Variants in CORIN observed in about 807,000 individuals in gnomAD.
CORIN encodes corin, serine peptidase, also known as atrial natriuretic peptide-converting enzyme.
In CORIN, 117 loss-of-function variants were observed where a neutral mutation model predicts 125.3. That is an observed-to-expected ratio of 0.93 (90% confidence interval 0.80 to 1.09). The LOEUF is 1.09. Ranked by LOEUF, CORIN falls within the 50% of genes least tolerant of loss-of-function variation. The pLI is 0.00. For missense variants in CORIN, 1,253 were observed against 1,306.7 expected (o/e 0.96, Z 0.63); for synonymous variants, 450 against 466.4 (o/e 0.96, Z 0.45).
intron 12 of CORIN, among the ~76,000 whole-genome samples, chr4:47,661,227 A>G (rs1221848022): frequency 6.6e-6 from 1 of 152,212 alleles, no homozygotes; most frequent in Admixed American, 6.5e-5. Context: ...TGGTACAGAA[A>G]TATAGTTAGA....
chr4:47,692,146 T>A (rs1042365281), intron 6 of CORIN, among the ~76,000 whole-genome samples: 17 of 152,210 alleles, frequency 1.1e-4, no homozygotes, highest in African/African-American at 4.1e-4. Context: ...GCAATTCCCA[T>A]AAGGAGTGAA....
intron 5 of CORIN, among the ~76,000 whole-genome samples, chr4:47,711,841 A>AAGAACC (rs1726856443): frequency 6.6e-6 from 1 of 152,164 alleles, no homozygotes; most frequent in African/African-American, 2.4e-5. Flanking sequence ...TGGGTTCTTC[A>AAGAACC]CATCACAATG....
chr4:47,733,527 GA>G (rs973874302), intron 5 of CORIN, among the ~76,000 whole-genome samples: 19 of 152,108 alleles, frequency 1.2e-4, no homozygotes, highest in African/African-American at 4.6e-4. Flanking sequence ...AAAGGAAGAG[GA>G]AAATGAATGA....
intron 11 of CORIN, among the ~76,000 whole-genome samples, chr4:47,663,803 A>G (rs1398958677): frequency 6.6e-6 from 1 of 152,174 alleles, no homozygotes; most frequent in Non-Finnish European, 1.5e-5. Context: ...TAAAATTGGT[A>G]GATGTTTTAT....
chr4:47,781,432 C>T (rs549951735), intron 3 of CORIN, among the ~76,000 whole-genome samples: 54 of 152,142 alleles, frequency 3.5e-4, no homozygotes, highest in Non-Finnish European at 6.2e-4. Context: ...ACGAGCTGTC[C>T]AATATGTTAT....
chr4:47,667,530 G>T (rs1030910616), intron 10 of CORIN, among the ~76,000 whole-genome samples: 8 of 152,176 alleles, frequency 5.3e-5, no homozygotes, highest in Admixed American at 3.3e-4. Flanking sequence ...TGACTAAGAA[G>T]TGGTATCCAT....
intron 2 of CORIN, among the ~76,000 whole-genome samples, chr4:47,799,841 A>G (rs1183316819): frequency 6.6e-6 from 1 of 152,228 alleles, no homozygotes; most frequent in Non-Finnish European, 1.5e-5. Flanking sequence ...CAAAAGGTGG[A>G]AATAACCCAA....
At chr4:47,763,279 C>A (rs2109870643) in intron 4 of CORIN, 100 bp downstream of exon 4, 2 of 887,682 alleles carry the variant, frequency 2.3e-6, no homozygotes, top group East Asian at 5.3e-5. Context: ...TGGCTAATAA[C>A]AACCAAAATA....
chr4:47,612,849 T>C (rs1051999917), intron 19 of CORIN, among the ~76,000 whole-genome samples: 1 of 152,210 alleles, frequency 6.6e-6, no homozygotes, highest in Non-Finnish European at 1.5e-5. Flanking sequence ...CTTTCCTGAA[T>C]GTATCCCTCA....
chr4:47,664,162 T>C (rs1014671571), intron 11 of CORIN, among the ~76,000 whole-genome samples: 5 of 152,102 alleles, frequency 3.3e-5, no homozygotes, highest in African/African-American at 1.2e-4. Flanking sequence ...CTGAAGAGAG[T>C]AGCAACTCAC....
At chr4:47,724,693 A>T (rs1727506409) in intron 5 of CORIN, among the ~76,000 whole-genome samples, 1 of 152,230 alleles carries the variant, frequency 6.6e-6, no homozygotes, top group Non-Finnish European at 1.5e-5. Flanking sequence ...CTACATTAAT[A>T]AGCTAAAGAA....
intron 5 of CORIN, among the ~76,000 whole-genome samples, chr4:47,724,790 T>C (rs893120845): frequency 6.6e-6 from 1 of 152,206 alleles, no homozygotes; most frequent in Non-Finnish European, 1.5e-5. Context: ...GAAAATGAGA[T>C]TTAGTTTATG....
intron 2 of CORIN, among the ~76,000 whole-genome samples, chr4:47,804,688 T>C (rs2034797418): frequency 1.8e-5 from 2 of 114,196 alleles, no homozygotes; most frequent in Admixed American, 2.6e-4. Context: ...AGAGAATAGA[T>C]GGATGGTTAT....
intron 1 of CORIN, 63 bp from the exon 2 acceptor site, chr4:47,807,110 G>T: frequency 7.3e-7 from 1 of 1,362,048 alleles, no homozygotes; most frequent in Non-Finnish European, 1.0e-6. Flanking sequence ...TGAAATTTTA[G>T]GTTACAGCTA....
chr4:47,605,113 C>T (rs1346551769), intron 19 of CORIN, among the ~76,000 whole-genome samples: 1 of 152,202 alleles, frequency 6.6e-6, no homozygotes, highest in East Asian at 1.9e-4. Flanking sequence ...ACTCAAGCAT[C>T]ATCTGCTCAG....
chr4:47,623,517 G>T, intron 19 of CORIN, 54 bp downstream of exon 19: 2 of 1,570,854 alleles, frequency 1.3e-6, no homozygotes, highest in Non-Finnish European at 1.7e-6. Context: ...GAGAATTCCC[G>T]AGTGACAAAG....
At chr4:47,600,405 C>A in intron 20 of CORIN, 58 bp from the exon 21 acceptor site, 2 of 1,209,866 alleles carry the variant, frequency 1.7e-6, no homozygotes, top group South Asian at 1.8e-5. Flanking sequence ...AAAAGTGAGG[C>A]TAGTGAGGCT....
intron 12 of CORIN, among the ~76,000 whole-genome samples, chr4:47,657,082 GA>G (rs1724018396): frequency 6.6e-6 from 1 of 152,114 alleles, no homozygotes; most frequent in African/African-American, 2.4e-5. Context: ...TCAAAGAAAT[GA>G]AAGGTCTCTG....
chr4:47,764,064 C>T (rs892305505), intron 3 of CORIN, among the ~76,000 whole-genome samples: 4 of 151,928 alleles, frequency 2.6e-5, no homozygotes, highest in African/African-American at 9.7e-5. Context: ...TCTAAATATT[C>T]AGCAAAAAGA....
Sources: gnomAD v4.1 joint callset for allele counts (sites outside exome capture counted in the v4.1 genomes callset) on GRCh38, gnomAD v4.1.1 for gene constraint, MANE v1.5 for transcripts, NCBI Gene and HGNC (gene_info 2026-07-23, HGNC 2026-07-21) for gene names.